The following PSD3 variants were observed in gnomAD, a reference collection of about 807,000 sequenced individuals.
PSD3 encodes pleckstrin and Sec7 domain containing 3, also known as PH and SEC7 domain-containing protein 3.
In PSD3, 49 loss-of-function variants were observed where a neutral mutation model predicts 105.5. The ratio of observed to expected loss-of-function variants is 0.46; its 90% confidence interval spans 0.37 to 0.59. The LOEUF is 0.59. Ranked by LOEUF, PSD3 falls within the 20% of genes least tolerant of loss-of-function variation. PSD3 has a pLI of 0.00. For synonymous variants in PSD3, 557 were observed against 457.8 expected, an observed-to-expected ratio of 1.22 and a Z score of -2.77; for missense variants, 1,561 against 1,263.8, an observed-to-expected ratio of 1.24 and a Z score of -3.57.
intron 11 of PSD3, among the ~76,000 whole-genome samples, chr8:18,601,092 T>G (rs1017762285): frequency 4.6e-5 from 7 of 152,156 alleles, no homozygotes; most frequent in African/African-American, 1.7e-4. Context: ...CCAAATCGAG[T>G]ATACTGCAAG....
At chr8:18,908,779 G>A (rs1247187883) in intron 2 of PSD3, among the ~76,000 whole-genome samples, 1 of 152,134 alleles carries the variant, frequency 6.6e-6, no homozygotes, top group Non-Finnish European at 1.5e-5. Context: ...TATAAGCAAT[G>A]ACTAGCAATA....
intron 11 of PSD3, among the ~76,000 whole-genome samples, chr8:18,607,370 C>T (rs2130616891): frequency 6.6e-6 from 1 of 152,234 alleles, no homozygotes; most frequent in East Asian, 1.9e-4. Flanking sequence ...AGGCACTGTT[C>T]CAAGATTTGA....
At chr8:18,633,943 T>C (rs1161970862) in intron 10 of PSD3, among the ~76,000 whole-genome samples, 2 of 152,116 alleles carry the variant, frequency 1.3e-5, no homozygotes, top group Admixed American at 1.3e-4. Context: ...TTTTTGCCTT[T>C]TTAATAACAG....
chr8:18,903,976 G>A (rs1019481409), intron 2 of PSD3, among the ~76,000 whole-genome samples: 5 of 152,170 alleles, frequency 3.3e-5, no homozygotes, highest in African/African-American at 9.7e-5. Context: ...CTGGGGAAGT[G>A]TATGATTCTG....
chr8:18,829,591 T>G (rs546320981), intron 4 of PSD3, among the ~76,000 whole-genome samples: 1 of 152,316 alleles, frequency 6.6e-6, no homozygotes, highest in Admixed American at 6.5e-5. Flanking sequence ...TGGCTCATGT[T>G]ATTGTTTCCT....
chr8:18,584,342 A>T (rs1803011855), intron 12 of PSD3, among the ~76,000 whole-genome samples: 1 of 152,224 alleles, frequency 6.6e-6, no homozygotes, highest in Non-Finnish European at 1.5e-5. Context: ...TAACAGTTAG[A>T]GACCTCTCCC....
intron 4 of PSD3, among the ~76,000 whole-genome samples, chr8:18,814,960 A>AT (rs1376055586): frequency 2.6e-5 from 4 of 152,206 alleles, no homozygotes; most frequent in Non-Finnish European, 5.9e-5. Context: ...TACAATTTTC[A>AT]TATCTTAAAC....
chr8:18,575,990 A>C (rs1468230794), intron 12 of PSD3, among the ~76,000 whole-genome samples: 1 of 152,112 alleles, frequency 6.6e-6, no homozygotes, highest in Non-Finnish European at 1.5e-5. Context: ...AAACAAGATA[A>C]ACATGCATTC....
chr8:18,762,655 T>C (rs1806636091), intron 9 of PSD3, among the ~76,000 whole-genome samples: 1 of 152,220 alleles, frequency 6.6e-6, no homozygotes, highest in Admixed American at 6.5e-5. Flanking sequence ...TTTAGGTTAT[T>C]TGAGTAAACA....
chr8:18,544,172 A>AAAAAAAAAAAAAAAAAAAAAAAAAAAAAC (rs1800315630), intron 15 of PSD3, among the ~76,000 whole-genome samples: 2 of 3,104 alleles, frequency 6.4e-4, no homozygotes, highest in Non-Finnish European at 1.0e-3. Context: ...GAAACAAACC[A>AAAAAAAAAAAAAAAAAAAAAAAAAAAAAC]AAAAAAAAAA....
chr8:18,723,272 T>C (rs1409335460), intron 9 of PSD3, among the ~76,000 whole-genome samples: 1 of 152,202 alleles, frequency 6.6e-6, no homozygotes, highest in Non-Finnish European at 1.5e-5. Flanking sequence ...ATTACTGTTA[T>C]TGTTACTCTC....
intron 9 of PSD3, among the ~76,000 whole-genome samples, chr8:18,657,804 G>C (rs757493079): frequency 1.2e-4 from 18 of 152,190 alleles, no homozygotes; most frequent in Non-Finnish European, 2.2e-4. Flanking sequence ...ATCATTAAAG[G>C]TTCTTTAGAT....
At chr8:18,622,260 T>C (rs1417769181) in intron 11 of PSD3, among the ~76,000 whole-genome samples, 2 of 152,234 alleles carry the variant, frequency 1.3e-5, no homozygotes, top group Non-Finnish European at 2.9e-5. Context: ...TAAAGTGATA[T>C]GTCCACACAA....
At chr8:18,974,566 C>A (rs1329601322) in intron 1 of PSD3, among the ~76,000 whole-genome samples, 1 of 152,056 alleles carries the variant, frequency 6.6e-6, no homozygotes, top group Non-Finnish European at 1.5e-5. Context: ...GCGCTAGTCC[C>A]AGGGAACACA....
intron 9 of PSD3, among the ~76,000 whole-genome samples, chr8:18,685,040 G>A (rs558847829): frequency 4.2e-4 from 64 of 152,284 alleles, no homozygotes; most frequent in African/African-American, 1.5e-3. Context: ...CCAGATAAAG[G>A]AGGCTTTCGT....
intron 12 of PSD3, among the ~76,000 whole-genome samples, chr8:18,588,746 C>G (rs768360746): frequency 6.6e-6 from 1 of 152,180 alleles, no homozygotes; most frequent in Admixed American, 6.5e-5. Context: ...AAGTTGTTCC[C>G]TTGTCAATAC....
intron 9 of PSD3, among the ~76,000 whole-genome samples, chr8:18,727,732 C>G (rs990951115): frequency 2.6e-5 from 4 of 152,054 alleles, no homozygotes; most frequent in African/African-American, 9.7e-5. Flanking sequence ...ATACCAGTTA[C>G]AGACGAAAAG....
intron 15 of PSD3, among the ~76,000 whole-genome samples, chr8:18,543,267 C>T (rs1298582794): frequency 6.6e-6 from 1 of 151,964 alleles, no homozygotes; most frequent in African/African-American, 2.4e-5. Context: ...CTCCTTATTA[C>T]ATTTTTTTGC....
intron 9 of PSD3, among the ~76,000 whole-genome samples, chr8:18,697,012 G>T (rs761583390): frequency 4.2e-5 from 3 of 72,288 alleles, no homozygotes; most frequent in Non-Finnish European, 9.4e-5. Context: ...CGGGGACAAC[G>T]TGGGAGGATC....
Sources: gnomAD v4.1 joint callset for allele counts (sites outside exome capture counted in the v4.1 genomes callset) on GRCh38, gnomAD v4.1.1 for gene constraint, MANE v1.5 for transcripts, NCBI Gene and HGNC (gene_info 2026-07-23, HGNC 2026-07-21) for gene names.